EPN1: variants seen among roughly 807,000 people sequenced by gnomAD.
EPN1 encodes the protein epsin 1.
In EPN1, 25 loss-of-function variants were observed where a neutral mutation model predicts 56.9. The ratio of observed to expected loss-of-function variants is 0.44; its 90% CI spans 0.32 to 0.61. EPN1 has a LOEUF of 0.61. Ranked by LOEUF, EPN1 falls within the 20% of genes least tolerant of loss-of-function variation. The pLI, the probability that EPN1 is intolerant of heterozygous loss-of-function variation, is 0.05. For missense variants in EPN1, 785 were observed against 823.7 expected (o/e 0.95, Z 0.58); for synonymous variants, 411 against 361.8 (o/e 1.14, Z -1.54).
chr19:55,694,586 C>T lies in EPN1; in HGVS notation c.1265-140C>T. The T allele has an allele frequency of 9.3e-7, 1 of 1,074,566 alleles. No homozygotes were observed. The highest frequency in any genetic ancestry group is 1.3e-6 in the Non-Finnish European group (1 of 789,018). 66.6% of individuals were successfully genotyped at this position (1,074,566 alleles called of 1,614,324 possible). A position where few individuals can be genotyped will look rare whatever the true frequency, so the allele number is the denominator to read the frequency against. ...TTGGCCTGGGCAAGCGATGCTTCCG[C>T]TCTGCACCTCAGTTCCTCCTTCCCG... On this transcript the variant is annotated intron_variant, in intron 9 of 10. Coordinates refer to ENST00000270460, the MANE Select transcript of EPN1 (RefSeq NM_001130072.2). This position sits in a 1 kb window ranked among gnomAD's most constrained non-coding sequence, Gnocchi z 4.2.
At chr19:55,680,368 C>T (rs375212188) in intron 2 of EPN1, among the ~76,000 whole-genome samples, 1 of 152,136 alleles carries the variant, frequency 6.6e-6, no homozygotes, top group East Asian at 1.9e-4. Flanking sequence ...CTGCTGTATC[C>T]GCCATCCCTG....
chr19:55,676,725 C>G (rs567489840), intron 1 of EPN1: 1 of 155,778 alleles, frequency 6.4e-6, no homozygotes, highest in African/African-American at 2.4e-5. Flanking sequence ...ATATTCTTTG[C>G]CATTAGATTC....
chr19:55,694,415 G>A lies in EPN1; in HGVS notation c.1265-311G>A, dbSNP rs1022606483. On this transcript the variant is annotated intron_variant, in intron 9 of 10. Coordinates refer to ENST00000270460, the MANE Select transcript of EPN1 (RefSeq NM_001130072.2). The surrounding 1 kb of genome is among the most constrained non-coding windows in gnomAD (Gnocchi z 4.2). ...GAACACGCCCCCGCTGCCTTCCCCC[G>A]CGGGCCTATAGACCCTGGACGGCCC... 12 of 312,176 alleles carry A rather than the reference G, an allele frequency of 3.8e-5. No individual in the cohort carries two copies. Among genetic ancestry groups the A allele is most frequent in the East Asian group, 2.0e-4 (4 of 19,618 alleles). The allele number at this position is 312,176 out of a possible 1,614,324, so 19.3% of individuals were successfully genotyped here. A position where few individuals can be genotyped will look rare whatever the true frequency, so the allele number is the denominator to read the frequency against.
rs1986556085 is a variant in EPN1 at position 55,691,684 on chromosome 19, C to T, written c.763-70C>T. 3.4e-6 allele frequency: 5 copies of T among 1,456,242 alleles called. No individual in the cohort carries two copies. Among genetic ancestry groups the T allele is most frequent in the Non-Finnish European group, 4.7e-6 (5 of 1,055,480 alleles). 90.2% of individuals were successfully genotyped at this position (1,456,242 alleles called of 1,614,324 possible). On this transcript the variant is annotated intron_variant, in intron 6 of 10. Transcript: ENST00000270460. This position sits in a 1 kb window ranked among gnomAD's most constrained non-coding sequence, Gnocchi z 5.6. ...GCCTGGCCGCCTCCCCCGCCACGGG[C>T]CCCAGCTTGGTCCCTGTCCCAGGCT...
chr19:55,704,412 TCTGA>T lies in EPN1; in HGVS notation c.*9060_*9063del, dbSNP rs1413998763. 5 of 152,110 alleles carry T rather than the reference TCTGA, an allele frequency of 3.3e-5. No individual in the cohort carries two copies. Among genetic ancestry groups the T allele is most frequent in the African/African-American group, 9.7e-5 (4 of 41,398 alleles). 9.4% of individuals were successfully genotyped at this position (152,110 alleles called of 1,614,324 possible). ...GACATTAGGGTGGGTCCTAATCCAA[TCTGA>T]CTGTTATATAGTGGGGTTGCACCTT... On this transcript the variant is annotated 3_prime_UTR_variant, in exon 11 of 11. Coordinates refer to ENST00000270460, the MANE Select transcript of EPN1 (RefSeq NM_001130072.2).
In EPN1 at chr19:55,702,942, C is replaced by G. The variant is rs1987215663; in HGVS notation, c.*7586C>G. 2.0e-5 allele frequency: 3 copies of G among 151,964 alleles called. No individual in the cohort carries two copies. Among genetic ancestry groups the G allele is most frequent in the Non-Finnish European group, 4.4e-5 (3 of 68,062 alleles). The allele number at this position is 151,964 out of a possible 1,614,324, so 9.4% of individuals were successfully genotyped here. ...CCCGAGTAGCTGGGACTACAGGCGC[C>G]CACCACCACGCCCGGCTAAGCTAAT... On this transcript the variant is annotated 3_prime_UTR_variant, in exon 11 of 11. Transcript: ENST00000270460.
rs1985602960 is a variant in EPN1, at chr19:55,678,702, A to C, written c.75A>C (p.Arg25=). The C allele has an allele frequency of 3.1e-6, 5 of 1,614,158 alleles. No individual in the cohort carries two copies. Among genetic ancestry groups the C allele is most frequent in the Non-Finnish European group, 4.2e-6 (5 of 1,180,014 alleles). ...HNYSEAEIKV[R]EATSNDPWGP... ...ACTCAGAGGCGGAGATCAAGGTTCG[A>C]GAGGCCACGAGCAATGACCCCTGGG... Residue 25 remains arginine, a synonymous_variant, in exon 2 of 11, where the codon CGA becomes CGC. Coordinates refer to ENST00000270460, the MANE Select transcript of EPN1 (RefSeq NM_001130072.2).
chr19:55,680,194 C>A (rs1161551681), intron 2 of EPN1, among the ~76,000 whole-genome samples: 1 of 152,208 alleles, frequency 6.6e-6, no homozygotes, highest in Non-Finnish European at 1.5e-5. Flanking sequence ...GTAATTTGCA[C>A]ACAGTGAAAC....
At chr19:55,692,146 C>T (rs1202618755) in intron 7 of EPN1, 89 bp downstream of exon 7, 10 of 1,285,618 alleles carry the variant, frequency 7.8e-6, no homozygotes, top group African/African-American at 1.5e-5. Context: ...ACAGATCGAG[C>T]CAGTGGCGCC....
Position 55,675,280 on chromosome 19 carries a change from C to T in EPN1, c.-257C>T, listed in dbSNP as rs1985311344. On this transcript the variant is annotated 5_prime_UTR_variant, in exon 1 of 11. Coordinates refer to ENST00000270460, the MANE Select transcript of EPN1 (RefSeq NM_001130072.2). ...CCTCCCCCGCCCGGCTCTCCGCGCC[C>T]CTTCTGGGCGGCGGGGCGGCGGAGC... 1.3e-5 allele frequency: 2 copies of T among 152,018 alleles called. No individual in the cohort carries two copies. The highest frequency in any genetic ancestry group is 4.8e-5 in the African/African-American group (2 of 41,426). 9.4% of individuals were successfully genotyped at this position (152,018 alleles called of 1,614,324 possible).
At position 55,703,322 on chromosome 19, in the gene EPN1, TCA is replaced by T. The variant is rs1192178376; in HGVS notation, c.*7968_*7969del. On this transcript the variant is annotated 3_prime_UTR_variant, in exon 11 of 11. Coordinates refer to ENST00000270460, the MANE Select transcript of EPN1 (RefSeq NM_001130072.2). The stretch of plus-strand genomic sequence containing the variant: ...GTGTGGTTGGGACAGTCGGGGATTC[TCA>T]CTTTTTTTTAAAATTTGAGATGGAG... 1.3e-5 allele frequency: 2 copies of T among 151,962 alleles called. No individual in the cohort carries two copies. Among genetic ancestry groups the T allele is most frequent in the African/African-American group, 2.4e-5 (1 of 41,284 alleles). The allele number at this position is 151,962 out of a possible 1,614,324, so 9.4% of individuals were successfully genotyped here. A position where few individuals can be genotyped will look rare whatever the true frequency, so the allele number is the denominator to read the frequency against.
Position 55,693,912 on chromosome 19 carries a change from A to T in EPN1, c.1265-814A>T, listed in dbSNP as rs144517025. Among the ~76,000 whole-genome samples, 1,120 of 152,132 alleles carry T rather than the reference A, an allele frequency of 7.4e-3. 8 individuals are homozygous for T. Among genetic ancestry groups the T allele is most frequent in the Non-Finnish European group, 1.0e-2 (677 of 67,994 alleles). On this transcript the variant is annotated intron_variant, in intron 9 of 10. Transcript: ENST00000270460. ...TTTTCAACATTAGGTAGAATTCTTA[A>T]ATCTATTTAAAAGGAAAATCAGGCC...
At chr19:55,679,093 G>A (rs1028120369) in intron 2 of EPN1, among the ~76,000 whole-genome samples, 9 of 152,372 alleles carry the variant, frequency 5.9e-5, no homozygotes, top group African/African-American at 2.2e-4. Flanking sequence ...TGCTGAGGAG[G>A]CCTGAGAGGG....
rs1200041881 is a variant in EPN1 at position 55,709,232 on chromosome 19, T to C, written c.*13876T>C. 7.4e-6 allele frequency: 3 copies of C among 407,458 alleles called. No homozygotes were observed. The highest frequency in any genetic ancestry group is 1.3e-5 in the Non-Finnish European group (3 of 232,012). 25.2% of individuals were successfully genotyped at this position (407,458 alleles called of 1,614,324 possible). The stretch of plus-strand genomic sequence containing the variant: ...GATAGGAAGCCTCTGATTTATACCA[T>C]AAAGTGAAATTTCATATACAGGATG... On this transcript the variant is annotated 3_prime_UTR_variant, in exon 11 of 11. Transcript: ENST00000270460.
In EPN1 at chr19:55,706,147, T is replaced by TCCA; in HGVS notation, c.*10793_*10794insACC. 1 of 99,250 alleles carries TCCA rather than the reference T, an allele frequency of 1.0e-5. No individual in the cohort carries two copies. The highest frequency in any genetic ancestry group is 1.9e-5 in the Non-Finnish European group (1 of 53,912). 6.1% of individuals were successfully genotyped at this position (99,250 alleles called of 1,614,324 possible). A position where few individuals can be genotyped will look rare whatever the true frequency, so the allele number is the denominator to read the frequency against. ...AGACTGGAGAACTTTGATTTCTTCT[T>TCCA]CCTCCTCCTCCTCTCTTTTCTTCTT... On this transcript the variant is annotated 3_prime_UTR_variant, in exon 11 of 11. Coordinates refer to ENST00000270460, the MANE Select transcript of EPN1 (RefSeq NM_001130072.2).
intron 9 of EPN1, chr19:55,693,255 GAA>G (rs1382048564): frequency 3.6e-6 from 2 of 550,908 alleles, no homozygotes; most frequent in Non-Finnish European, 6.5e-6. Flanking sequence ...GAAAAACTGA[GAA>G]TTGTTCTCAA....
At chr19:55,682,675 C>T (rs968641640) in intron 2 of EPN1, among the ~76,000 whole-genome samples, 11 of 152,174 alleles carry the variant, frequency 7.2e-5, no homozygotes, top group Admixed American at 5.9e-4. Flanking sequence ...TCAAGCGATC[C>T]ACCGACTTTA....
rs1295871797 is a variant in EPN1, at chr19:55,706,755, T to C, written c.*11399T>C. 1 of 149,232 alleles carries C rather than the reference T, an allele frequency of 6.7e-6. No homozygotes were observed. The highest frequency in any genetic ancestry group is 1.5e-5 in the Non-Finnish European group (1 of 67,390). 9.2% of individuals were successfully genotyped at this position (149,232 alleles called of 1,614,324 possible). A position where few individuals can be genotyped will look rare whatever the true frequency, so the allele number is the denominator to read the frequency against. Reference sequence around the variant, plus strand: ...AGAGAGATTAAAAAAAAAAAGTAAATGGGCCAGGTGCGATGGCTTGTGCCT... The same window carrying C: ...AGAGAGATTAAAAAAAAAAAGTAAACGGGCCAGGTGCGATGGCTTGTGCCT... On this transcript the variant is annotated 3_prime_UTR_variant, in exon 11 of 11. Coordinates refer to ENST00000270460, the MANE Select transcript of EPN1 (RefSeq NM_001130072.2).
chr19:55,685,306 A>C, intron 2 of EPN1, 90 bp from the exon 3 acceptor site: 1 of 1,505,274 alleles, frequency 6.6e-7, no homozygotes, highest in South Asian at 1.3e-5. Flanking sequence ...CCTTGCGCCC[A>C]GTCGGCCGCC....
Sources: gnomAD v4.1 joint callset for allele counts (sites outside exome capture counted in the v4.1 genomes callset) on GRCh38, gnomAD v4.1.1 for gene constraint, Gnocchi (gnomAD v3.1) non-coding constraint, MANE v1.5 for transcripts, NCBI Gene and HGNC (gene_info 2026-07-23, HGNC 2026-07-21) for gene names.